Variants in PLAC1 observed in about 807,000 individuals in gnomAD.
The protein encoded by PLAC1 is placenta associated 1, also known as placenta-specific protein 1.
For missense variants in PLAC1, 136 were observed against 163.2 expected (o/e 0.83, Z 0.91); for synonymous variants, 68 against 62.1 (o/e 1.09, Z -0.44).
intron 1 of PLAC1, among the ~76,000 whole-genome samples, chrX:134,615,830 T>C (rs2078176445): frequency 9.0e-6 from 1 of 111,418 alleles, no homozygotes; most frequent in Non-Finnish European, 1.9e-5. Context: ...GTTGAAGAGA[T>C]GCCCTTTCCC....
chrX:134,635,591 C>T (rs1039826473), intron 1 of PLAC1, among the ~76,000 whole-genome samples: 3 of 111,677 alleles, frequency 2.7e-5, no homozygotes, highest in East Asian at 2.8e-4. Flanking sequence ...TCCCCTGCCT[C>T]GGCCTCCCAA....
intron 1 of PLAC1, among the ~76,000 whole-genome samples, chrX:134,761,473 C>T (rs1299886623): frequency 1.8e-5 from 2 of 111,955 alleles, no homozygotes; most frequent in African/African-American, 3.3e-5. Flanking sequence ...ACGCTATTGA[C>T]GAGATTATAA....
intron 2 of PLAC1, among the ~76,000 whole-genome samples, chrX:134,682,664 T>C (rs1334275449): frequency 1.8e-5 from 2 of 110,753 alleles, no homozygotes; most frequent in African/African-American, 6.6e-5. Context: ...CAAGTGATTC[T>C]CCTGTCTCAG....
intron 1 of PLAC1, among the ~76,000 whole-genome samples, chrX:134,614,817 T>C (rs996517312): frequency 2.7e-5 from 3 of 109,180 alleles, no homozygotes; most frequent in African/African-American, 1.0e-4. Context: ...TTTCTTTTTC[T>C]TTTTTTTTAC....
In PLAC1 at chrX:134,741,399, T is replaced by C. The variant is rs116673948; in HGVS notation, n.90-7880A>G. Among the ~76,000 whole-genome samples, 776 of 112,299 alleles carry C rather than the reference T, an allele frequency of 6.9e-3. 7 individuals are homozygous for C. The highest frequency in any genetic ancestry group is 0.025 in the African/African-American group (762 of 30,948). On this transcript the variant is annotated intron_variant and non_coding_transcript_variant, in intron 1 of 2. Coordinates refer to the PLAC1 transcript ENST00000466797. ...GCAATGAGCAAACATCTAATTTTCA[T>C]ACTTTCCTTTTTGTTAAATTAAGTA...
At chrX:134,728,546 T>C (rs2078680261) in intron 2 of PLAC1, among the ~76,000 whole-genome samples, 1 of 111,599 alleles carries the variant, frequency 9.0e-6, no homozygotes. Context: ...CCAACCAAAC[T>C]GTTGTTTAAA....
At chrX:134,708,534 CT>C (rs758488220) in intron 2 of PLAC1, among the ~76,000 whole-genome samples, 63 of 73,641 alleles carry the variant, frequency 8.6e-4, no homozygotes, top group South Asian at 4.6e-3. Context: ...CATTCTGTAT[CT>C]TTTTTTTTTT....
At chrX:134,674,155 G>A (rs1569402735) in intron 2 of PLAC1, among the ~76,000 whole-genome samples, 1 of 112,670 alleles carries the variant, frequency 8.9e-6, no homozygotes, top group South Asian at 3.7e-4. Flanking sequence ...CACTTCACAA[G>A]TTGAATGGTA....
At chrX:134,761,161 G>A (rs2078768889) in intron 1 of PLAC1, among the ~76,000 whole-genome samples, 1 of 108,855 alleles carries the variant, frequency 9.2e-6, no homozygotes, top group African/African-American at 3.5e-5. Flanking sequence ...ATACAAATAT[G>A]CTGCCATTTG....
At chrX:134,731,676 G>A (rs2078689261) in intron 2 of PLAC1, among the ~76,000 whole-genome samples, 1 of 111,330 alleles carries the variant, frequency 9.0e-6, no homozygotes, top group South Asian at 3.8e-4. Flanking sequence ...TATTTGGTGG[G>A]ATTTCTGGGG....
intron 1 of PLAC1, among the ~76,000 whole-genome samples, chrX:134,654,439 T>C (rs756024396): frequency 3.6e-5 from 4 of 112,134 alleles, no homozygotes; most frequent in Admixed American, 9.4e-5. Flanking sequence ...CACAATATGA[T>C]TAAAACCATA....
chrX:134,654,726 T>C (rs1197005501), intron 1 of PLAC1, among the ~76,000 whole-genome samples: 1 of 112,045 alleles, frequency 8.9e-6, no homozygotes, highest in Non-Finnish European at 1.9e-5. Flanking sequence ...CCAAGAAGGC[T>C]CCTGAAGTGA....
chrX:134,665,113 T>TGTG (rs747270230), intron 2 of PLAC1, among the ~76,000 whole-genome samples: 83 of 109,774 alleles, frequency 7.6e-4, no homozygotes, highest in African/African-American at 2.8e-3. Flanking sequence ...TGTGTTTGTG[T>TGTG]GTGTGTGTGT....
At chrX:134,642,182 C>T (rs186917996) in intron 1 of PLAC1, among the ~76,000 whole-genome samples, 7 of 112,122 alleles carry the variant, frequency 6.2e-5, no homozygotes, top group East Asian at 2.8e-4. Context: ...AGGTAGAATG[C>T]GCAGAACACG....
intron 1 of PLAC1, among the ~76,000 whole-genome samples, chrX:134,751,217 C>T (rs1035828801): frequency 9.3e-6 from 1 of 107,637 alleles, no homozygotes; most frequent in Non-Finnish European, 1.9e-5. Flanking sequence ...ATTTCAAGTA[C>T]TCAACAGCCA....
Position 134,622,108 on chromosome X carries a change from G to A in PLAC1, c.-130-19986C>T, listed in dbSNP as rs766734171. The stretch of plus-strand genomic sequence containing the variant: ...TCCAGTCAGGGAAGGCATCTGCTCC[G>A]CTTGGCTTTGGGCTGTATCAGTTGG... On this transcript the variant is annotated intron_variant, in intron 1 of 2. Coordinates refer to ENST00000359237, the MANE Select transcript of PLAC1 (RefSeq NM_021796.4). 9.8e-5 allele frequency among the ~76,000 whole-genome samples: 11 copies of A among 112,305 alleles called. No homozygotes were observed. In the East Asian group the frequency reaches 1.7e-3, roughly 17 times the overall value.
upstream of PLAC1, among the ~76,000 whole-genome samples, chrX:134,662,342 T>A (rs1165027085): frequency 8.9e-6 from 1 of 112,683 alleles, no homozygotes; most frequent in African/African-American, 3.2e-5. Flanking sequence ...GTTACTTATA[T>A]CTTTTATATC....
intron 1 of PLAC1, chrX:134,604,363 T>G (rs1424703757): frequency 8.9e-6 from 1 of 112,589 alleles, no homozygotes; most frequent in Non-Finnish European, 1.9e-5. Context: ...ACTGCCAGCC[T>G]ACTGACTTCC....
At chrX:134,663,271 G>A (rs1043249186), upstream of PLAC1, among the ~76,000 whole-genome samples, 1 of 112,870 alleles carries the variant, frequency 8.9e-6, no homozygotes, top group African/African-American at 3.2e-5. Flanking sequence ...AACCATGCTT[G>A]TTTGTTAATT....
Sources: allele counts gnomAD v4.1 joint callset (sites outside exome capture counted in the v4.1 genomes callset), GRCh38; gene constraint gnomAD v4.1.1; transcripts MANE v1.5; gene names NCBI Gene and HGNC (gene_info 2026-07-23, HGNC 2026-07-21).